The following MBD5 variants were observed in gnomAD, a reference collection of about 807,000 sequenced individuals.
The protein encoded by MBD5 is methyl-CpG binding domain protein 5, also known as methyl-CpG-binding domain protein 5.
Under a neutral mutation model 117.3 loss-of-function variants are expected in MBD5, and 13 were observed. That is an observed-to-expected ratio of 0.11 (90% CI 0.07 to 0.18). The LOEUF (loss-of-function observed/expected upper bound fraction) is 0.18. Among genes scored for constraint, MBD5 ranks in the 10% least tolerant of loss-of-function variants. The pLI is 1.00. For missense variants in MBD5, 1,879 were observed against 2,093.8 expected (o/e 0.90, Z 2.00); for synonymous variants, 727 against 766.4 (o/e 0.95, Z 0.85).
intron 2 of MBD5, among the ~76,000 whole-genome samples, chr2:148,205,544 A>G (rs1458786284): frequency 1.3e-5 from 2 of 152,262 alleles, no homozygotes; most frequent in Non-Finnish European, 2.9e-5. Flanking sequence ...TGCAAATATT[A>G]TAATTGCTTA....
At chr2:148,430,914 CAG>C (rs1362891409) in intron 4 of MBD5, among the ~76,000 whole-genome samples, 5 of 152,098 alleles carry the variant, frequency 3.3e-5, no homozygotes, top group African/African-American at 1.2e-4. Flanking sequence ...TTTGTTTAAA[CAG>C]AGAATTATCT....
At chr2:148,395,925 C>T (rs1704702023) in intron 4 of MBD5, among the ~76,000 whole-genome samples, 1 of 152,156 alleles carries the variant, frequency 6.6e-6, no homozygotes, top group South Asian at 2.1e-4. Flanking sequence ...CTTATACATT[C>T]AGTTTTACTC....
intron 1 of MBD5, chr2:148,055,312 C>T (rs1694825905): frequency 6.6e-6 from 1 of 151,890 alleles, no homozygotes; most frequent in Non-Finnish European, 1.5e-5. Context: ...GTCTTTATAC[C>T]CATCTGCACC....
At chr2:148,398,158 G>T (rs1704795197) in intron 4 of MBD5, among the ~76,000 whole-genome samples, 2 of 152,032 alleles carry the variant, frequency 1.3e-5, no homozygotes, top group Admixed American at 6.6e-5. Flanking sequence ...TACTCCTTTG[G>T]GTATATACCC....
At chr2:148,062,199 A>G (rs1695055350) in intron 1 of MBD5, 1 of 151,792 alleles carries the variant, frequency 6.6e-6, no homozygotes, top group Admixed American at 6.6e-5. Context: ...GGATATACAT[A>G]CATGTATGTA....
At chr2:148,384,904 G>A (rs1481616889) in intron 4 of MBD5, among the ~76,000 whole-genome samples, 15 of 151,924 alleles carry the variant, frequency 9.9e-5, no homozygotes, top group Admixed American at 9.8e-4. Context: ...AAACTGGCTA[G>A]CCATATGTAG....
At chr2:148,191,274 A>G (rs1698822063) in intron 2 of MBD5, among the ~76,000 whole-genome samples, 1 of 21,428 alleles carries the variant, frequency 4.7e-5, no homozygotes, top group East Asian at 1.5e-3. Flanking sequence ...ACATCTACAG[A>G]ACTCTCCACC....
At chr2:148,052,524 T>C (rs561981765) in intron 1 of MBD5, among the ~76,000 whole-genome samples, 1 of 152,240 alleles carries the variant, frequency 6.6e-6, no homozygotes, top group Admixed American at 6.5e-5. Context: ...TCTTTTTTAT[T>C]GTGGGCATTT....
chr2:148,234,306 G>T (rs1273443743), intron 3 of MBD5, among the ~76,000 whole-genome samples: 1 of 152,020 alleles, frequency 6.6e-6, no homozygotes, highest in East Asian at 1.9e-4. Flanking sequence ...ATCAGCCTGA[G>T]GTCATCCATG....
intron 1 of MBD5, 29 bp from the exon 2 acceptor site, chr2:148,178,671 C>A: frequency 2.5e-6 from 1 of 397,634 alleles, no homozygotes; most frequent in South Asian, 1.3e-4. Flanking sequence ...ATCTCAAATT[C>A]ATTATATTTT....
chr2:148,397,829 T>A (rs898598793), intron 4 of MBD5, among the ~76,000 whole-genome samples: 3 of 136,556 alleles, frequency 2.2e-5, no homozygotes, highest in African/African-American at 8.2e-5. Context: ...CAGGCCCCAG[T>A]GTGTGATGTT....
intron 3 of MBD5, among the ~76,000 whole-genome samples, chr2:148,340,168 A>T (rs1385313509): frequency 6.6e-6 from 1 of 152,148 alleles, no homozygotes; most frequent in Non-Finnish European, 1.5e-5. Context: ...TCTCAAGTGA[A>T]ATTTCAAATC....
rs571288169 is a variant in MBD5 at position 148,464,897 on chromosome 2, A to G, written c.397+978A>G. ...GAGGTGGGAGATCTCTTGAACCCAGAAGTTGGAGGCTGCAGTGAGCCATGA... is the reference window on the plus strand; with the variant it reads ...GAGGTGGGAGATCTCTTGAACCCAGGAGTTGGAGGCTGCAGTGAGCCATGA... On this transcript the variant is annotated intron_variant, in intron 7 of 13. Coordinates refer to ENST00000642680, the MANE Select transcript of MBD5 (RefSeq NM_001378120.1). Among the ~76,000 whole-genome samples, 206 of 151,810 alleles carry G rather than the reference A, an allele frequency of 1.4e-3. 1 individual carries two copies. The highest frequency in any genetic ancestry group is 3.5e-3 in the Admixed American group (54 of 15,216).
At chr2:148,235,374 T>C (rs572058687) in intron 3 of MBD5, among the ~76,000 whole-genome samples, 1 of 152,314 alleles carries the variant, frequency 6.6e-6, no homozygotes, top group African/African-American at 2.4e-5. Context: ...TCTTTAACCA[T>C]CAGACTGTAT....
intron 4 of MBD5, among the ~76,000 whole-genome samples, chr2:148,421,981 G>A (rs1408679459): frequency 6.6e-6 from 1 of 152,182 alleles, no homozygotes; most frequent in Non-Finnish European, 1.5e-5. Context: ...CAGCACCTGG[G>A]GGAAGGGGCA....
intron 4 of MBD5, among the ~76,000 whole-genome samples, chr2:148,434,302 A>G (rs1706088308): frequency 6.6e-6 from 1 of 151,766 alleles, no homozygotes; most frequent in Non-Finnish European, 1.5e-5. Flanking sequence ...TACCTATCCT[A>G]TTAATTTTTT....
chr2:148,274,586 T>A (rs1309165617), intron 3 of MBD5, among the ~76,000 whole-genome samples: 1 of 152,210 alleles, frequency 6.6e-6, no homozygotes, highest in Non-Finnish European at 1.5e-5. Context: ...CCTAATTTTT[T>A]AAGAAGGATG....
chr2:148,239,670 G>A (rs1700168239), intron 3 of MBD5, among the ~76,000 whole-genome samples: 1 of 94,054 alleles, frequency 1.1e-5, no homozygotes, highest in South Asian at 3.6e-4. Context: ...AAATGAACAA[G>A]TTTATTTTAT....
intron 3 of MBD5, among the ~76,000 whole-genome samples, chr2:148,274,717 G>GTTTTTTTTTTTTTTTTTTT (rs199569391): frequency 9.1e-6 from 1 of 109,854 alleles, no homozygotes. Context: ...AATTAATTGA[G>GTTTTTTTTTTTTTTTTTTT]TTTTTTTGTT....
Sources: allele counts gnomAD v4.1 joint callset (sites outside exome capture counted in the v4.1 genomes callset), GRCh38; gene constraint gnomAD v4.1.1; transcripts MANE v1.5; gene names NCBI Gene and HGNC (gene_info 2026-07-23, HGNC 2026-07-21).